Variants in TMEM164 observed in about 807,000 individuals in gnomAD.
The protein encoded by TMEM164 is transmembrane protein 164, also known as RP13-360B22.2.
A neutral mutation model predicts 18.8 loss-of-function variants in TMEM164; 4 were observed. That is an observed-to-expected ratio of 0.21 (90% confidence interval 0.10 to 0.49). The LOEUF (loss-of-function observed/expected upper bound fraction) is 0.49. Ranked by LOEUF, TMEM164 falls within the 20% of genes least tolerant of loss-of-function variation. The pLI, the probability that TMEM164 is intolerant of heterozygous loss-of-function variation, is 0.98. For synonymous variants in TMEM164, 86 were observed against 101.7 expected, an observed-to-expected ratio of 0.85 and a Z score of 0.93; for missense variants, 108 against 239.9, an observed-to-expected ratio of 0.45 and a Z score of 3.63.
intron 2 of TMEM164, among the ~76,000 whole-genome samples, chrX:110,025,664 C>G (rs766791906): frequency 8.9e-6 from 1 of 112,131 alleles, no homozygotes; most frequent in Non-Finnish European, 1.9e-5. Flanking sequence ...ATGGGTACCT[C>G]CTAAACACTA....
At chrX:110,147,804 T>C (rs2066879315) in intron 5 of TMEM164, among the ~76,000 whole-genome samples, 1 of 110,903 alleles carries the variant, frequency 9.0e-6, no homozygotes, top group Non-Finnish European at 1.9e-5. Flanking sequence ...AGCATTCCCT[T>C]CTTTTCAGCC....
intron 2 of TMEM164, among the ~76,000 whole-genome samples, chrX:110,029,758 A>C (rs1934363202): frequency 9.0e-6 from 1 of 111,205 alleles, no homozygotes; most frequent in African/African-American, 3.3e-5. Context: ...TCTTATTTTC[A>C]TGCTCTGTTA....
In TMEM164 at chrX:110,138,800, C is replaced by T. The variant is rs764559073; in HGVS notation, c.508-5998C>T. Among the ~76,000 whole-genome samples, 4 of 111,931 alleles carry T rather than the reference C, an allele frequency of 3.6e-5. No homozygotes were observed. In the East Asian group the frequency reaches 1.1e-3, roughly 31 times the overall value. ...AGTGGTATCTAGAATCTCTCTGACA[C>T]CCTGGCATGGGGTTGAGCCTTGGCA... On this transcript the variant is annotated intron_variant, in intron 4 of 6. Transcript: ENST00000372068.
intron 3 of TMEM164, among the ~76,000 whole-genome samples, chrX:110,077,530 G>A (rs184688635): frequency 8.9e-6 from 1 of 111,854 alleles, no homozygotes; most frequent in African/African-American, 3.2e-5. Flanking sequence ...AGTCTCGATT[G>A]TGTAGTTGCT....
intron 2 of TMEM164, among the ~76,000 whole-genome samples, chrX:110,017,123 T>C (rs896939991): frequency 8.9e-6 from 1 of 111,862 alleles, no homozygotes; most frequent in Non-Finnish European, 1.9e-5. Context: ...TTCTTTTTCA[T>C]CCCTTGTTTT....
intron 4 of TMEM164, among the ~76,000 whole-genome samples, chrX:110,135,100 G>T (rs1305414912): frequency 9.0e-6 from 1 of 110,593 alleles, no homozygotes; most frequent in Non-Finnish European, 1.9e-5. Flanking sequence ...CCAAAGTCAA[G>T]ATCTTCCCTT....
intron 3 of TMEM164, among the ~76,000 whole-genome samples, chrX:110,089,327 A>G (rs766920556): frequency 2.1e-4 from 23 of 111,271 alleles, no homozygotes; most frequent in Middle Eastern, 9.2e-3. Context: ...CTTCCCGAGT[A>G]GCTGAGATTA....
intron 4 of TMEM164, among the ~76,000 whole-genome samples, chrX:110,132,174 G>A (rs2066621841): frequency 8.9e-6 from 1 of 111,975 alleles, no homozygotes. Flanking sequence ...CTTTTAAAAT[G>A]GACCTTGGAT....
intron 5 of TMEM164, among the ~76,000 whole-genome samples, chrX:110,147,964 G>C (rs1403663604): frequency 2.7e-5 from 3 of 110,200 alleles, no homozygotes; most frequent in Non-Finnish European, 5.7e-5. Flanking sequence ...ACTAGCTCCT[G>C]AAAGTGTCTC....
intron 4 of TMEM164, among the ~76,000 whole-genome samples, 189 bp from the exon 5 acceptor site, chrX:110,144,609 C>T (rs748768392): frequency 1.8e-5 from 2 of 111,258 alleles, no homozygotes; most frequent in Non-Finnish European, 1.9e-5. Context: ...CTAGGAAGAT[C>T]CTGATCTAGA....
intron 3 of TMEM164, among the ~76,000 whole-genome samples, chrX:110,069,797 T>G (rs186445889): frequency 3.6e-5 from 4 of 111,223 alleles, no homozygotes; most frequent in Admixed American, 9.6e-5. Context: ...TTTTCTTATA[T>G]AGCATCTGAA....
chrX:110,004,920 A>G (rs1221174806), intron 2 of TMEM164, among the ~76,000 whole-genome samples: 2 of 112,464 alleles, frequency 1.8e-5, no homozygotes, highest in East Asian at 5.5e-4. Context: ...ACTTCCACCC[A>G]TTAGCGGTGC....
chrX:110,137,700 T>C (rs1465372940), intron 4 of TMEM164, among the ~76,000 whole-genome samples: 2 of 112,338 alleles, frequency 1.8e-5, no homozygotes, highest in Non-Finnish European at 3.8e-5. Flanking sequence ...TTGCCTTATC[T>C]GTTAGCCTCC....
At chrX:110,038,878 A>T (rs888935023) in intron 2 of TMEM164, among the ~76,000 whole-genome samples, 1 of 110,493 alleles carries the variant, frequency 9.1e-6, no homozygotes, top group African/African-American at 3.3e-5. Flanking sequence ...AATTTTTTTT[A>T]AAAAACTACT....
intron 2 of TMEM164, among the ~76,000 whole-genome samples, chrX:110,017,468 T>C (rs866880283): frequency 8.9e-4 from 7 of 7,883 alleles, no homozygotes; most frequent in Admixed American, 2.3e-3. Flanking sequence ...CTCTCTTTCT[T>C]TCCTTCCCTC....
At chrX:110,042,555 C>A (rs767160344) in intron 2 of TMEM164, among the ~76,000 whole-genome samples, 1 of 111,604 alleles carries the variant, frequency 9.0e-6, no homozygotes. Flanking sequence ...AGTGGAATTG[C>A]TGGGTCATAT....
At position 110,063,411 on chromosome X, in the gene TMEM164, T is replaced by G. The variant is rs1330573616; in HGVS notation, c.391-3936T>G. Among the ~76,000 whole-genome samples, 3 of 111,509 alleles carry G rather than the reference T, an allele frequency of 2.7e-5. No individual in the cohort carries two copies. In the East Asian group the frequency reaches 8.5e-4, roughly 32 times the overall value. On this transcript the variant is annotated intron_variant, in intron 2 of 6. Coordinates refer to ENST00000372068, the MANE Select transcript of TMEM164 (RefSeq NM_032227.4). The stretch of plus-strand genomic sequence containing the variant: ...AAGTGGATGGGAGGCTGAACAATGG[T>G]GGCAGTGAACTTGGGGCTGATATGA...
chrX:110,160,084 C>T (rs182464339), intron 5 of TMEM164, among the ~76,000 whole-genome samples: 1 of 111,947 alleles, frequency 8.9e-6, no homozygotes, highest in African/African-American at 3.3e-5. Context: ...GCTGGTGACA[C>T]AACTCAGGAG....
chrX:110,119,055 AT>A (rs1197284159), intron 4 of TMEM164, among the ~76,000 whole-genome samples: 1 of 110,689 alleles, frequency 9.0e-6, no homozygotes, highest in Non-Finnish European at 1.9e-5. Flanking sequence ...GATAGATAAT[AT>A]TTTTTTCCAG....
Sources: allele counts gnomAD v4.1 joint callset (sites outside exome capture counted in the v4.1 genomes callset), GRCh38; gene constraint gnomAD v4.1.1; transcripts MANE v1.5; gene names NCBI Gene and HGNC (gene_info 2026-07-23, HGNC 2026-07-21).